The following SIN3A variants were observed in gnomAD, a reference collection of about 807,000 sequenced individuals.
SIN3A encodes paired amphipathic helix protein Sin3a.
A neutral mutation model predicts 146.1 loss-of-function variants in SIN3A; 14 were observed. That is an observed-to-expected ratio of 0.10 (90% CI 0.06 to 0.15). The LOEUF is 0.15. Among genes scored for constraint, SIN3A ranks in the 10% least tolerant of loss-of-function variants. The probability of loss-of-function intolerance (pLI) is 1.00; values close to 1 mark genes in which losing one functional copy is unlikely to be tolerated. For synonymous variants in SIN3A, 572 were observed against 572.0 expected, an observed-to-expected ratio of 1.00 and a Z score of 0.00; for missense variants, 1,028 against 1,576.0, an observed-to-expected ratio of 0.65 and a Z score of 5.89.
At chr15:75,433,629 T>G (rs563576748) in intron 1 of SIN3A, among the ~76,000 whole-genome samples, 34 of 151,236 alleles carry the variant, frequency 2.2e-4, no homozygotes, top group Admixed American at 1.6e-3. Flanking sequence ...GCTAACATGG[T>G]GAAACCCCGT....
At chr15:75,412,035 A>G (rs923010262) in intron 5 of SIN3A, among the ~76,000 whole-genome samples, 3 of 152,242 alleles carry the variant, frequency 2.0e-5, no homozygotes, top group African/African-American at 7.2e-5. Flanking sequence ...TTAGTAGCTC[A>G]ACAAGTACAC....
At chr15:75,434,953 A>G (rs1483595210) in intron 1 of SIN3A, among the ~76,000 whole-genome samples, 3 of 151,312 alleles carry the variant, frequency 2.0e-5, no homozygotes, top group Non-Finnish European at 4.4e-5. Context: ...CGCCTCAAGA[A>G]AAAAAAAAGT....
upstream of SIN3A, among the ~76,000 whole-genome samples, chr15:75,455,247 C>G (rs1281420346): frequency 2.6e-5 from 4 of 152,114 alleles, no homozygotes; most frequent in Non-Finnish European, 2.9e-5. Context: ...CGCTCGCTAA[C>G]TCCAGCTCTC....
intron 11 of SIN3A, 99 bp from the exon 12 acceptor site, chr15:75,400,255 G>A (rs1161286998): frequency 2.9e-6 from 2 of 678,890 alleles, no homozygotes; most frequent in Non-Finnish European, 5.2e-6. Flanking sequence ...AGAGAAATAG[G>A]CAACTAATAT....
At chr15:75,374,944 C>T (rs534052326) in intron 20 of SIN3A, among the ~76,000 whole-genome samples, 1 of 152,268 alleles carries the variant, frequency 6.6e-6, no homozygotes, top group South Asian at 2.1e-4. Flanking sequence ...CAGGGCCTGG[C>T]ATAACACCCT....
chr15:75,411,673 C>G lies in SIN3A; in HGVS notation c.827G>C (p.Arg276Pro). 1 of 1,613,876 alleles carries G rather than the reference C, an allele frequency of 6.2e-7. No homozygotes were observed. The highest frequency in any genetic ancestry group is 8.5e-7 in the Non-Finnish European group (1 of 1,179,880). ...TGTGTGAGGCTGGACCGGCGGAGAA[C>G]GTGGGGATGCATACGGTGGAAGTGG... The part of the protein sequence containing the change: ...TPPLPPYASP[R>P]SPPVQPHTPV... The change falls in exon 6 of 21, where the codon CGT (arginine) becomes CCT (proline). Residue 276 changes from arginine (R) to proline (P), a missense_variant. Physicochemically the swap from Arg to Pro is moderately radical, Grantham distance 103. Coordinates refer to ENST00000394947, the MANE Select transcript of SIN3A (RefSeq NM_001145358.2).
At chr15:75,382,138 A>G (rs1177483747) in intron 17 of SIN3A, among the ~76,000 whole-genome samples, 1 of 152,200 alleles carries the variant, frequency 6.6e-6, no homozygotes, top group Non-Finnish European at 1.5e-5. Context: ...GAAACCTGAG[A>G]ATTTTTTATT....
At chr15:75,401,436 A>G (rs933664513) in intron 10 of SIN3A, among the ~76,000 whole-genome samples, 2 of 152,094 alleles carry the variant, frequency 1.3e-5, no homozygotes, top group East Asian at 3.9e-4. Context: ...TGGGGGGCCG[A>G]GGCAGGAGAA....
At chr15:75,391,690 T>G (rs2073205221) in intron 15 of SIN3A, among the ~76,000 whole-genome samples, 1 of 152,124 alleles carries the variant, frequency 6.6e-6, no homozygotes, top group African/African-American at 2.4e-5. Context: ...TCACTTACTT[T>G]CCTTTTCCTG....
intron 1 of SIN3A, chr15:75,443,494 T>C (rs1422619703): frequency 6.6e-6 from 1 of 152,066 alleles, no homozygotes; most frequent in Non-Finnish European, 1.5e-5. Context: ...GGTGGGTGGA[T>C]TGTTTGAGCC....
chr15:75,394,657 A>T (rs781531737), intron 14 of SIN3A, 23 bp downstream of exon 14: 1 of 1,581,964 alleles, frequency 6.3e-7, no homozygotes, highest in East Asian at 2.3e-5. Flanking sequence ...GTCCTCTCAC[A>T]GATGCAGAAA....
At chr15:75,430,864 C>T (rs1307457313) in intron 1 of SIN3A, among the ~76,000 whole-genome samples, 1 of 152,090 alleles carries the variant, frequency 6.6e-6, no homozygotes, top group Non-Finnish European at 1.5e-5. Context: ...CAAGATCCAC[C>T]TCCCGGGTTC....
chr15:75,428,309 C>G (rs1053974100), intron 2 of SIN3A, among the ~76,000 whole-genome samples: 1 of 151,964 alleles, frequency 6.6e-6, no homozygotes, highest in African/African-American at 2.4e-5. Context: ...TTGAATAACA[C>G]GGGTTTTTGT....
At chr15:75,410,412 A>C (rs892299331) in intron 6 of SIN3A, 126 bp from the exon 7 acceptor site, 1 of 861,514 alleles carries the variant, frequency 1.2e-6, no homozygotes, top group Non-Finnish European at 1.7e-6. Context: ...TGTTCTTAGC[A>C]CCCGTTCTGA....
chr15:75,405,768 T>C (rs1242778276), intron 9 of SIN3A, among the ~76,000 whole-genome samples: 1 of 152,038 alleles, frequency 6.6e-6, no homozygotes, highest in Non-Finnish European at 1.5e-5. Flanking sequence ...AAAATAAAAA[T>C]AAAAATAAAT....
intron 1 of SIN3A, among the ~76,000 whole-genome samples, chr15:75,434,783 T>C (rs930054069): frequency 3.3e-5 from 5 of 151,108 alleles, no homozygotes; most frequent in Admixed American, 2.7e-4. Context: ...ACTCTGTCTC[T>C]ACTAAAAACA....
intron 3 of SIN3A, chr15:75,421,636 GTTTA>G (rs2073841680): frequency 1.3e-5 from 2 of 152,154 alleles, no homozygotes; most frequent in South Asian, 4.1e-4. Flanking sequence ...TCCTTAGAGG[GTTTA>G]TTTCTCATTC....
chr15:75,448,671 C>T (rs902475452), intron 1 of SIN3A, among the ~76,000 whole-genome samples: 3 of 152,018 alleles, frequency 2.0e-5, no homozygotes, highest in African/African-American at 7.3e-5. Flanking sequence ...TGGTGGATTG[C>T]CCAGAAAAGA....
intron 1 of SIN3A, among the ~76,000 whole-genome samples, chr15:75,450,647 G>A (rs1026227622): frequency 3.3e-5 from 5 of 152,250 alleles, no homozygotes; most frequent in African/African-American, 1.2e-4. Context: ...GAGCAAAGCG[G>A]AGAAAGCAGC....
Sources: allele counts gnomAD v4.1 joint callset (sites outside exome capture counted in the v4.1 genomes callset), GRCh38; gene constraint gnomAD v4.1.1; transcripts MANE v1.5; gene names NCBI Gene and HGNC (gene_info 2026-07-23, HGNC 2026-07-21).